The following PPP2R2B variants were observed in gnomAD, a reference collection of about 807,000 sequenced individuals.
PPP2R2B encodes protein phosphatase 2 regulatory subunit Bbeta, also known as serine/threonine-protein phosphatase 2A 55 kDa regulatory subunit B beta isoform.
PPP2R2B carries 5 observed loss-of-function variants against 46.0 expected under a neutral mutation model. The ratio of observed to expected loss-of-function variants is 0.11; its 90% CI spans 0.06 to 0.23. The LOEUF (loss-of-function observed/expected upper bound fraction) is 0.23, where lower values mean the gene tolerates loss of function less well. Ranked by LOEUF, PPP2R2B falls within the 10% of genes least tolerant of loss-of-function variation. The pLI is 1.00. For missense variants in PPP2R2B, 367 were observed against 575.0 expected, an observed-to-expected ratio of 0.64 and a Z score of 3.70; for synonymous variants, 215 against 206.7, an observed-to-expected ratio of 1.04 and a Z score of -0.34.
chr5:146,875,225 C>A (rs1025542781), intron 2 of PPP2R2B, among the ~76,000 whole-genome samples: 1 of 152,006 alleles, frequency 6.6e-6, no homozygotes, highest in Non-Finnish European at 1.5e-5. Context: ...AAATGCTATA[C>A]ATAAAGAGCT....
intron 1 of PPP2R2B, among the ~76,000 whole-genome samples, chr5:147,023,450 G>A (rs1335207564): frequency 1.3e-5 from 2 of 151,866 alleles, no homozygotes; most frequent in South Asian, 4.2e-4. Flanking sequence ...TTGACAGATT[G>A]GATAAAAATG....
chr5:147,047,255 G>C (rs1756587387), intron 1 of PPP2R2B, among the ~76,000 whole-genome samples: 1 of 152,048 alleles, frequency 6.6e-6, no homozygotes, highest in Non-Finnish European at 1.5e-5. Context: ...GATGACTATA[G>C]TTAACAATAA....
intron 2 of PPP2R2B, among the ~76,000 whole-genome samples, chr5:146,834,440 C>T (rs904305149): frequency 3.3e-5 from 5 of 152,170 alleles, no homozygotes. Flanking sequence ...TGAATTATAT[C>T]AAATGACTTT....
chr5:146,802,955 C>T (rs1010201587), intron 2 of PPP2R2B, among the ~76,000 whole-genome samples: 3 of 152,050 alleles, frequency 2.0e-5, no homozygotes, highest in Non-Finnish European at 4.4e-5. Flanking sequence ...TCCTCACTAT[C>T]AACATTAATA....
intron 2 of PPP2R2B, among the ~76,000 whole-genome samples, chr5:146,875,985 A>G (rs1373249215): frequency 6.6e-6 from 1 of 152,228 alleles, no homozygotes; most frequent in Non-Finnish European, 1.5e-5. Context: ...TGGTATTTAC[A>G]TCGTTTAAGT....
intron 1 of PPP2R2B, among the ~76,000 whole-genome samples, chr5:146,987,136 G>C (rs1025826986): frequency 1.3e-5 from 2 of 152,122 alleles, no homozygotes; most frequent in African/African-American, 4.8e-5. Context: ...CCCAACAACT[G>C]AGAATACTAT....
intron 2 of PPP2R2B, among the ~76,000 whole-genome samples, chr5:146,776,617 C>A (rs1356882173): frequency 6.6e-6 from 1 of 151,848 alleles, no homozygotes; most frequent in African/African-American, 2.4e-5. Flanking sequence ...ACACCAAAAG[C>A]ACAGGTAACA....
chr5:146,820,774 G>T (rs1189124131), intron 2 of PPP2R2B, among the ~76,000 whole-genome samples: 1 of 151,972 alleles, frequency 6.6e-6, no homozygotes, highest in Non-Finnish European at 1.5e-5. Context: ...TTCCTCTGCT[G>T]CTACTTTCTT....
intron 1 of PPP2R2B, among the ~76,000 whole-genome samples, chr5:147,003,302 G>T (rs1754275382): frequency 6.6e-6 from 1 of 151,538 alleles, no homozygotes; most frequent in Non-Finnish European, 1.5e-5. Context: ...ATTTCCAAAG[G>T]ACCAAAAAAA....
intron 2 of PPP2R2B, among the ~76,000 whole-genome samples, chr5:146,764,345 T>C (rs573540410): frequency 6.6e-6 from 1 of 152,304 alleles, no homozygotes; most frequent in South Asian, 2.1e-4. Flanking sequence ...TTTGGATATA[T>C]CACTTTGGCT....
chr5:146,928,415 C>A (rs1416887052), intron 1 of PPP2R2B, among the ~76,000 whole-genome samples: 1 of 151,884 alleles, frequency 6.6e-6, no homozygotes, highest in Admixed American at 6.6e-5. Flanking sequence ...CACCTATAGG[C>A]TTTTTCCATC....
chr5:146,698,649 G>T (rs931332448), intron 3 of PPP2R2B, among the ~76,000 whole-genome samples: 1 of 151,792 alleles, frequency 6.6e-6, no homozygotes, highest in Admixed American at 6.6e-5. Flanking sequence ...GGTAGGGTGG[G>T]GCAAGGAAAT....
intron 5 of PPP2R2B, among the ~76,000 whole-genome samples, chr5:146,662,572 G>A (rs1342015630): frequency 1.3e-5 from 2 of 152,074 alleles, no homozygotes; most frequent in East Asian, 3.9e-4. Context: ...CCTTGATATT[G>A]AACTTTCCAG....
intron 1 of PPP2R2B, among the ~76,000 whole-genome samples, chr5:146,973,221 C>T (rs867045094): frequency 2.6e-5 from 4 of 152,064 alleles, no homozygotes; most frequent in Middle Eastern, 3.2e-3. Flanking sequence ...GGCCTATTTT[C>T]CATTATTTTA....
chr5:146,760,891 C>T (rs1168706204), intron 2 of PPP2R2B, among the ~76,000 whole-genome samples: 1 of 152,122 alleles, frequency 6.6e-6, no homozygotes, highest in African/African-American at 2.4e-5. Flanking sequence ...GACATTTATG[C>T]AGCCAAAAAA....
intron 1 of PPP2R2B, among the ~76,000 whole-genome samples, chr5:147,034,034 A>G (rs1026357787): frequency 2.6e-5 from 4 of 151,996 alleles, no homozygotes; most frequent in Admixed American, 1.3e-4. Context: ...TTAAGGCCAT[A>G]TATGGCCTAG....
At chr5:146,978,298 A>C (rs932848967) in intron 1 of PPP2R2B, among the ~76,000 whole-genome samples, 2 of 152,034 alleles carry the variant, frequency 1.3e-5, no homozygotes, top group East Asian at 1.9e-4. Flanking sequence ...AGACTGCAAA[A>C]ATTTTCTCTC....
At chr5:147,037,886 T>C (rs1309692218) in intron 1 of PPP2R2B, among the ~76,000 whole-genome samples, 1 of 152,242 alleles carries the variant, frequency 6.6e-6, no homozygotes, top group Non-Finnish European at 1.5e-5. Context: ...TATTTACCCT[T>C]GTTTACCAGC....
intron 2 of PPP2R2B, among the ~76,000 whole-genome samples, chr5:146,755,068 ATAACT>A (rs1753760937): frequency 6.6e-6 from 1 of 152,220 alleles, no homozygotes; most frequent in Non-Finnish European, 1.5e-5. Context: ...AAATTTTTAA[ATAACT>A]TAACAATACA....
Sources: gnomAD v4.1 joint callset for allele counts (sites outside exome capture counted in the v4.1 genomes callset) on GRCh38, gnomAD v4.1.1 for gene constraint, MANE v1.5 for transcripts, NCBI Gene and HGNC (gene_info 2026-07-23, HGNC 2026-07-21) for gene names.